The following CRPPA variants were observed in gnomAD, a reference collection of about 807,000 sequenced individuals.
CRPPA encodes CDP-L-ribitol pyrophosphorylase A.
CRPPA carries 43 observed loss-of-function variants against 52.0 expected under a neutral mutation model. That is an observed-to-expected ratio of 0.83 (90% confidence interval 0.65 to 1.07). The LOEUF (loss-of-function observed/expected upper bound fraction) is 1.07, where lower values mean the gene tolerates loss of function less well. CRPPA is among the 50% of genes least tolerant of loss of function. The pLI is 0.00. For missense variants in CRPPA, 629 were observed against 551.7 expected, an observed-to-expected ratio of 1.14 and a Z score of -1.40; for synonymous variants, 250 against 203.5, an observed-to-expected ratio of 1.23 and a Z score of -1.94.
intron 9 of CRPPA, among the ~76,000 whole-genome samples, chr7:16,106,160 A>T (rs1261570501): frequency 6.6e-6 from 1 of 152,176 alleles, no homozygotes; most frequent in Non-Finnish European, 1.5e-5. Context: ...TCCCATTTCC[A>T]AAAATTTGGA....
At chr7:16,228,655 ATAT>A (rs1041421061) in intron 8 of CRPPA, among the ~76,000 whole-genome samples, 1 of 151,944 alleles carries the variant, frequency 6.6e-6, no homozygotes, top group Non-Finnish European at 1.5e-5. Flanking sequence ...TAGTCAGAAA[ATAT>A]TATTTGGTAT....
chr7:16,366,494 T>C (rs1786591421), intron 3 of CRPPA, among the ~76,000 whole-genome samples: 1 of 152,180 alleles, frequency 6.6e-6, no homozygotes, highest in African/African-American at 2.4e-5. Flanking sequence ...ATAACTATAT[T>C]TATTAGTCTT....
In CRPPA at chr7:16,162,996, C is replaced by T. The variant is rs111945726; in HGVS notation, c.1251+53070G>A. Among the ~76,000 whole-genome samples, 808 of 111,446 alleles carry T rather than the reference C, an allele frequency of 7.3e-3. 10 individuals carry two copies. The highest frequency in any genetic ancestry group is 0.025 in the African/African-American group (762 of 30,570). 73.1% of individuals were successfully genotyped at this position (111,446 alleles called of 152,430 possible). A position where few individuals can be genotyped will look rare whatever the true frequency, so the allele number is the denominator to read the frequency against. The stretch of plus-strand genomic sequence containing the variant: ...CTCTTTTTTTTTTTTTTTTTTGAGA[C>T]GGAGTCTCGCTCTGTTGCCCAGGCT... On this transcript the variant is annotated intron_variant, in intron 9 of 9. Transcript: ENST00000407010.
At chr7:16,126,487 G>T (rs564644160) in intron 9 of CRPPA, among the ~76,000 whole-genome samples, 1 of 152,254 alleles carries the variant, frequency 6.6e-6, no homozygotes, top group South Asian at 2.1e-4. Flanking sequence ...CCAATACCAT[G>T]AAAGGAAGTC....
intron 9 of CRPPA, among the ~76,000 whole-genome samples, chr7:16,141,320 T>G (rs1782865715): frequency 6.6e-6 from 1 of 152,316 alleles, no homozygotes; most frequent in African/African-American, 2.4e-5. Context: ...ATATACACAT[T>G]CTGAAATATT....
chr7:16,118,444 A>G lies in CRPPA; in HGVS notation c.1252-26645T>C, dbSNP rs561692714. Among the ~76,000 whole-genome samples, 4 of 152,282 alleles carry G rather than the reference A, an allele frequency of 2.6e-5. No homozygotes were observed. In the South Asian group the frequency reaches 8.3e-4, roughly 32 times the overall value. On this transcript the variant is annotated intron_variant, in intron 9 of 9. Transcript: ENST00000407010. ...CAAGGAGCCAGAAAACATGCATCCA[A>G]GCCCTGCTACTTAAAAATTGTGCTC...
At chr7:16,264,647 T>G (rs1783905232) in intron 6 of CRPPA, among the ~76,000 whole-genome samples, 1 of 152,240 alleles carries the variant, frequency 6.6e-6, no homozygotes, top group Admixed American at 6.5e-5. Context: ...AAACGTTGGC[T>G]GGGTCATCTC....
chr7:16,294,256 A>C (rs1163193260), intron 5 of CRPPA, among the ~76,000 whole-genome samples: 3 of 151,952 alleles, frequency 2.0e-5, no homozygotes, highest in African/African-American at 7.2e-5. Flanking sequence ...AACTACCTAC[A>C]TCAGAGTGAA....
rs142329468 is a variant in CRPPA, at chr7:16,372,005, C to T, written c.684+4087G>A. 1.8e-3 allele frequency among the ~76,000 whole-genome samples: 278 copies of T among 150,810 alleles called. 1 individual carries two copies. Among genetic ancestry groups the T allele is most frequent in the African/African-American group, 6.5e-3 (265 of 40,922 alleles). On this transcript the variant is annotated intron_variant, in intron 3 of 9. Transcript: ENST00000407010. ...AAGCTTTTGAATTAACCCAATCAGA[C>T]GAAGTAAAAAAAAAATTTTAAAAAA...
chr7:16,272,007 ATAAAC>A (rs1441284988), intron 6 of CRPPA, among the ~76,000 whole-genome samples: 16 of 152,238 alleles, frequency 1.1e-4, no homozygotes, highest in African/African-American at 3.9e-4. Flanking sequence ...AGTATATAGT[ATAAAC>A]TATTTTTGGA....
At chr7:16,140,076 C>G (rs924611390) in intron 9 of CRPPA, among the ~76,000 whole-genome samples, 1 of 151,952 alleles carries the variant, frequency 6.6e-6, no homozygotes, top group South Asian at 2.1e-4. Flanking sequence ...GAATACTATA[C>G]AAGATAGAGG....
intron 9 of CRPPA, among the ~76,000 whole-genome samples, chr7:16,167,512 C>T (rs905217935): frequency 1.3e-5 from 2 of 152,164 alleles, no homozygotes; most frequent in African/African-American, 4.8e-5. Flanking sequence ...GAATAAAGGC[C>T]TTGGGTCCAA....
intron 8 of CRPPA, among the ~76,000 whole-genome samples, chr7:16,256,298 A>C (rs1583470889): frequency 6.6e-6 from 1 of 152,156 alleles, no homozygotes; most frequent in Non-Finnish European, 1.5e-5. Context: ...GCTGGAGAGG[A>C]TGTGGAGAAA....
At chr7:16,319,573 C>G (rs1785213990) in intron 3 of CRPPA, among the ~76,000 whole-genome samples, 2 of 152,070 alleles carry the variant, frequency 1.3e-5, no homozygotes, top group African/African-American at 4.8e-5. Context: ...ATGGGTACCT[C>G]TGAGGTTAGT....
intron 3 of CRPPA, among the ~76,000 whole-genome samples, chr7:16,360,930 C>T (rs1191388896): frequency 6.6e-6 from 1 of 151,982 alleles, no homozygotes; most frequent in Non-Finnish European, 1.5e-5. Flanking sequence ...ATAAAAAAAG[C>T]AATCTCTGGA....
At chr7:16,140,857 T>C (rs1782855671) in intron 9 of CRPPA, among the ~76,000 whole-genome samples, 1 of 152,246 alleles carries the variant, frequency 6.6e-6, no homozygotes, top group Non-Finnish European at 1.5e-5. Flanking sequence ...CATTCATTTA[T>C]TGTTTATCGA....
intron 9 of CRPPA, among the ~76,000 whole-genome samples, chr7:16,169,568 G>T (rs1343637563): frequency 3.3e-5 from 5 of 152,236 alleles, no homozygotes; most frequent in Non-Finnish European, 7.3e-5. Flanking sequence ...GGCAGCTTAA[G>T]CATGAAATTG....
At position 16,172,375 on chromosome 7, in the gene CRPPA, GC is replaced by G. The variant is rs368434886; in HGVS notation, c.1251+43690del. On this transcript the variant is annotated intron_variant, in intron 9 of 9. Coordinates refer to ENST00000407010, the MANE Select transcript of CRPPA (RefSeq NM_001101426.4). ...AGCAAAGTGGCATGAGGATTGGGTG[GC>G]AAAGGAAAAAATGGTAAAGAGCAGA... Among the ~76,000 whole-genome samples the G allele has an allele frequency of 2.8e-3, 427 of 152,210 alleles. 2 individuals carry two copies. Among genetic ancestry groups the G allele is most frequent in the African/African-American group, 9.7e-3 (402 of 41,520 alleles).
At chr7:16,416,337 C>A (rs117079174) in intron 1 of CRPPA, among the ~76,000 whole-genome samples, 2,710 of 152,174 alleles carry the variant, frequency 0.018, 53 homozygotes, top group East Asian at 0.13. Context: ...TAAAACTGGA[C>A]CCCTACCTCT....
Sources: allele counts gnomAD v4.1 joint callset (sites outside exome capture counted in the v4.1 genomes callset), GRCh38; gene constraint gnomAD v4.1.1; transcripts MANE v1.5; gene names NCBI Gene and HGNC (gene_info 2026-07-23, HGNC 2026-07-21).